Variants in NLGN1 observed in about 807,000 individuals in gnomAD.
The protein encoded by NLGN1 is neuroligin-1.
In NLGN1, 12 loss-of-function variants were observed where a neutral mutation model predicts 65.5. The ratio of observed to expected loss-of-function variants is 0.18; its 90% CI spans 0.12 to 0.30. The LOEUF (loss-of-function observed/expected upper bound fraction) is 0.30. Among genes scored for constraint, NLGN1 ranks in the 10% least tolerant of loss-of-function variants. The pLI, the probability that NLGN1 is intolerant of heterozygous loss-of-function variation, is 1.00. For missense variants in NLGN1, 750 were observed against 1,007.1 expected, an observed-to-expected ratio of 0.74 and a Z score of 3.46; for synonymous variants, 350 against 359.5, an observed-to-expected ratio of 0.97 and a Z score of 0.30.
chr3:174,161,576 C>T (rs1404014759), intron 4 of NLGN1, among the ~76,000 whole-genome samples: 3 of 151,778 alleles, frequency 2.0e-5, no homozygotes, highest in South Asian at 2.1e-4. Context: ...TCCATCTCTC[C>T]GACTGACTAA....
In NLGN1 at chr3:173,810,688, C is replaced by T. The variant is rs565353597; in HGVS notation, c.646+2856C>T. 3.9e-5 allele frequency among the ~76,000 whole-genome samples: 6 copies of T among 152,122 alleles called. No individual in the cohort carries two copies. The East Asian group carries it at 7.7e-4, about 20-fold the overall frequency. On this transcript the variant is annotated intron_variant, in intron 4 of 6. Coordinates refer to ENST00000457714, the Ensembl canonical transcript of NLGN1. Reference sequence around the variant, plus strand: ...GTGATAATGTTTTAATTAGAAAATTCGTACAGCTATCTAGCTGCCAATTTT... The same window carrying T: ...GTGATAATGTTTTAATTAGAAAATTTGTACAGCTATCTAGCTGCCAATTTT...
chr3:173,622,490 C>T (rs1754157546), intron 3 of NLGN1, among the ~76,000 whole-genome samples: 1 of 151,740 alleles, frequency 6.6e-6, no homozygotes, highest in Non-Finnish European at 1.5e-5. Flanking sequence ...ATGGCAAGGA[C>T]ATCTGGAAAG....
intron 4 of NLGN1, among the ~76,000 whole-genome samples, chr3:174,224,504 G>A (rs1175487531): frequency 6.6e-6 from 1 of 152,098 alleles, no homozygotes; most frequent in Non-Finnish European, 1.5e-5. Flanking sequence ...TTTAAGACCA[G>A]CCTGACCAAC....
intron 4 of NLGN1, among the ~76,000 whole-genome samples, chr3:174,131,284 T>C (rs912604382): frequency 6.6e-6 from 1 of 152,222 alleles, no homozygotes; most frequent in Non-Finnish European, 1.5e-5. Context: ...ATGTATGCAC[T>C]ACTCTGTTAA....
chr3:173,927,351 A>G (rs1449392658), intron 4 of NLGN1, among the ~76,000 whole-genome samples: 3 of 152,166 alleles, frequency 2.0e-5, no homozygotes, highest in Non-Finnish European at 4.4e-5. Context: ...ATGAGCCGCC[A>G]TGCCCAGCCA....
At chr3:173,588,086 A>C (rs997183865) in intron 2 of NLGN1, among the ~76,000 whole-genome samples, 1 of 152,234 alleles carries the variant, frequency 6.6e-6, no homozygotes, top group South Asian at 2.1e-4. Flanking sequence ...GAAATAAAAA[A>C]GAACAAAAAC....
At chr3:173,829,132 G>C (rs151121032) in intron 4 of NLGN1, among the ~76,000 whole-genome samples, 84 of 152,184 alleles carry the variant, frequency 5.5e-4, no homozygotes, top group African/African-American at 1.9e-3. Context: ...GATGGTGAGC[G>C]TGGAAGCAGT....
chr3:173,460,879 A>T (rs1402240019), intron 2 of NLGN1, among the ~76,000 whole-genome samples: 2 of 152,142 alleles, frequency 1.3e-5, no homozygotes, highest in African/African-American at 2.4e-5. Context: ...CAGTGTGAAG[A>T]GCTGCCTAGG....
chr3:173,712,279 G>A lies in NLGN1; in HGVS notation c.494-95401G>A, dbSNP rs533071923. Among the ~76,000 whole-genome samples the A allele has an allele frequency of 4.6e-5, 7 of 152,166 alleles. No individual in the cohort carries two copies. The South Asian group carries it at 1.5e-3, about 32-fold the overall frequency. On this transcript the variant is annotated intron_variant, in intron 3 of 6. Coordinates refer to ENST00000457714, the Ensembl canonical transcript of NLGN1. ...TCCAGATAAGGATACCAAAACTTTG[G>A]GAAGGTAATATGCTTGCTTAAGAGC... is the stretch of plus-strand genomic sequence containing the variant.
At chr3:174,207,597 C>T (rs1231020120) in intron 4 of NLGN1, among the ~76,000 whole-genome samples, 1 of 152,160 alleles carries the variant, frequency 6.6e-6, no homozygotes, top group African/African-American at 2.4e-5. Flanking sequence ...AGGCCACAGG[C>T]TATGAGAAAT....
Position 173,483,648 on chromosome 3 carries a change from A to C in NLGN1, c.-321+48570A>C, listed in dbSNP as rs138586972. Among the ~76,000 whole-genome samples the C allele has an allele frequency of 2.6e-3, 390 of 152,220 alleles. 1 individual carries two copies. Among genetic ancestry groups the C allele is most frequent in the African/African-American group, 8.9e-3 (369 of 41,574 alleles). Reference sequence around the variant, plus strand: ...ACTTTATTTAAAATTTATTTTTTTAAGTCTTAAGAAGTTGTTCCACTTGGA... The same window carrying C: ...ACTTTATTTAAAATTTATTTTTTTACGTCTTAAGAAGTTGTTCCACTTGGA... On this transcript the variant is annotated intron_variant, in intron 2 of 6. Transcript: ENST00000457714.
At chr3:174,100,542 C>T (rs113769224) in intron 4 of NLGN1, among the ~76,000 whole-genome samples, 2 of 151,498 alleles carry the variant, frequency 1.3e-5, no homozygotes, top group Non-Finnish European at 2.9e-5. Context: ...TCTCTGTCTG[C>T]TTGATGTATA....
At position 173,730,286 on chromosome 3, in the gene NLGN1, C is replaced by T. The variant is rs546566135; in HGVS notation, c.494-77394C>T. On this transcript the variant is annotated intron_variant, in intron 3 of 6. Transcript: ENST00000457714. ...ATTTCAGATCTAAACTTTCATGCCTCATGTTTTGAGGTCTAACACACTACT... is the reference window on the plus strand; with the variant it reads ...ATTTCAGATCTAAACTTTCATGCCTTATGTTTTGAGGTCTAACACACTACT... 1.6e-3 allele frequency among the ~76,000 whole-genome samples: 229 copies of T among 143,402 alleles called. 2 individuals are homozygous for T. The highest frequency in any genetic ancestry group is 5.7e-3 in the African/African-American group (220 of 38,902). 94.1% of individuals were successfully genotyped at this position (143,402 alleles called of 152,430 possible).
intron 3 of NLGN1, among the ~76,000 whole-genome samples, chr3:173,711,088 A>G (rs1173864836): frequency 6.6e-6 from 1 of 152,224 alleles, no homozygotes; most frequent in Non-Finnish European, 1.5e-5. Context: ...ATAATTGGTC[A>G]TATTCTAAAT....
chr3:174,259,849 C>G (rs930532459), intron 4 of NLGN1, among the ~76,000 whole-genome samples: 5 of 134,080 alleles, frequency 3.7e-5, no homozygotes, highest in African/African-American at 1.4e-4. Flanking sequence ...CCCACCCCAC[C>G]ACAGTCCCCA....
At chr3:173,526,059 C>A (rs1377143712) in intron 2 of NLGN1, among the ~76,000 whole-genome samples, 1 of 152,012 alleles carries the variant, frequency 6.6e-6, no homozygotes, top group East Asian at 1.9e-4. Context: ...CACAAATGAG[C>A]AAAATGTATA....
intron 4 of NLGN1, among the ~76,000 whole-genome samples, chr3:174,226,025 T>A (rs778716803): frequency 2.6e-5 from 4 of 152,248 alleles, no homozygotes; most frequent in African/African-American, 4.8e-5. Context: ...TTTTCTCTTT[T>A]GTACTGAAGG....
At chr3:174,249,960 A>G (rs1744479852) in intron 4 of NLGN1, among the ~76,000 whole-genome samples, 1 of 152,202 alleles carries the variant, frequency 6.6e-6, no homozygotes, top group Admixed American at 6.5e-5. Flanking sequence ...AGCTTGGATG[A>G]TTTGTTAAGG....
At chr3:173,539,591 T>C (rs1388979563) in intron 2 of NLGN1, among the ~76,000 whole-genome samples, 6 of 140,208 alleles carry the variant, frequency 4.3e-5, no homozygotes, top group African/African-American at 8.1e-5. Flanking sequence ...GTTATATATG[T>C]TATATAATAT....
Sources: gnomAD v4.1 joint callset for allele counts (sites outside exome capture counted in the v4.1 genomes callset) on GRCh38, gnomAD v4.1.1 for gene constraint, MANE v1.5 for transcripts, NCBI Gene and HGNC (gene_info 2026-07-23, HGNC 2026-07-21) for gene names.